The following PPP6R3 variants were observed in gnomAD, a reference collection of about 807,000 sequenced individuals.
PPP6R3 encodes serine/threonine-protein phosphatase 6 regulatory subunit 3.
Under a neutral mutation model 110.7 loss-of-function variants are expected in PPP6R3, and 38 were observed. The observed-to-expected ratio is 0.34, with a 90% CI of 0.26 to 0.45. The LOEUF is 0.45. PPP6R3 is among the 20% of genes least tolerant of loss of function. The probability of loss-of-function intolerance (pLI) is 1.00; values close to 1 mark genes in which losing one functional copy is unlikely to be tolerated. For synonymous variants in PPP6R3, 369 were observed against 373.5 expected, an observed-to-expected ratio of 0.99 and a Z score of 0.14; for missense variants, 870 against 1,062.4, an observed-to-expected ratio of 0.82 and a Z score of 2.52.
rs1566243505 is a variant in PPP6R3, at chr11:68,613,112, GTA to G, written c.2619_2620del (p.Ter874ThrfsTer8). ...AGGTGACACTTCAGTGAATGGCCCT[GTA>G]TGACGGGTGACGTCTGCTGCTGCTG... Reference protein sequence around the residue: ...APGDTSVNGPV With the variant: ...APGDTSVNGPX On this transcript the variant is annotated frameshift_variant, in exon 24 of 24. Coordinates refer to ENST00000393800, the MANE Select transcript of PPP6R3 (RefSeq NM_001164161.2). LOFTEE classifies it high-confidence loss of function. 1 of 1,614,110 alleles carries G rather than the reference GTA, an allele frequency of 6.2e-7. No individual in the cohort carries two copies. Among genetic ancestry groups the G allele is most frequent in the South Asian group, 1.1e-5 (1 of 91,074 alleles).
intron 1 of PPP6R3, among the ~76,000 whole-genome samples, chr11:68,482,632 C>T (rs2098922437): frequency 6.6e-6 from 1 of 151,900 alleles, no homozygotes; most frequent in Non-Finnish European, 1.5e-5. Flanking sequence ...TTTTATTCAA[C>T]TGACTTTGTT....
At chr11:68,532,489 G>A (rs77244511) in intron 2 of PPP6R3, among the ~76,000 whole-genome samples, 2,074 of 152,234 alleles carry the variant, frequency 0.014, 56 homozygotes, top group African/African-American at 0.047. Flanking sequence ...AAGATTAGAG[G>A]GTAGTTTGGC....
intron 7 of PPP6R3, 69 bp from the exon 8 acceptor site, chr11:68,558,497 C>T (rs1276141904): frequency 9.5e-6 from 9 of 942,518 alleles, no homozygotes; most frequent in East Asian, 2.4e-5. Context: ...CTTGTACCGT[C>T]GTCTTTTTTT....
At position 68,554,192 on chromosome 11, in the gene PPP6R3, C is replaced by T. The variant is rs1179438119; in HGVS notation, c.666C>T (p.Ser222=). The change falls in exon 7 of 24, where the codon AGC becomes AGT. Residue 222 remains serine, a synonymous_variant. Transcript: ENST00000393800. ...SQSLCEIVRL[S]RDQMLQIQNS... is the part of the protein sequence containing the mutation. ...CACTTTGTGAAATTGTTCGCCTGAG[C>T]AGAGACCAGATGTTACAAATTCAGA... 1 of 1,613,712 alleles carries T rather than the reference C, an allele frequency of 6.2e-7. No homozygotes were observed. Among genetic ancestry groups the T allele is most frequent in the Non-Finnish European group, 8.5e-7 (1 of 1,179,874 alleles).
Position 68,583,060 on chromosome 11 carries a change from T to C in PPP6R3, c.1563T>C (p.Ile521=). ...NTVDLVTTCH[I]HSSSDDEIDF... ...GCATATAGGTTACAACCTGCCATAT[T>C]CATTCATCCAGTGATGATGAAATTG... The change falls in exon 15 of 24, where the codon ATT becomes ATC. Residue 521 remains isoleucine, a synonymous_variant. Transcript: ENST00000393800. 6.5e-7 allele frequency: 1 copy of C among 1,540,586 alleles called. No homozygotes were observed. The highest frequency in any genetic ancestry group is 8.8e-7 in the Non-Finnish European group (1 of 1,139,854).
rs1319777256 is a variant in PPP6R3, at chr11:68,558,594, A to G, written c.760A>G (p.Asn254Asp). 6.2e-7 allele frequency: 1 copy of G among 1,613,280 alleles called. No individual in the cohort carries two copies. Among genetic ancestry groups the G allele is most frequent in the Non-Finnish European group, 8.5e-7 (1 of 1,179,542 alleles). The change falls in exon 8 of 24, where the codon AAT becomes GAT. Residue 254 changes from asparagine to aspartate, a missense_variant. Physicochemically the swap from Asn to Asp is conservative, Grantham distance 23 (BLOSUM62 1). Coordinates refer to ENST00000393800, the MANE Select transcript of PPP6R3 (RefSeq NM_001164161.2). ...AGAAATTATAGAGCAGCTTCTATCA[A>G]ATATTTTCCACAAGGAGAAAAATGA... ...KQEIIEQLLS[N>D]IFHKEKNESA...
rs371149487 is a variant in PPP6R3, at chr11:68,476,125, A to C, written c.-158+15298A>C. 5.3e-5 allele frequency among the ~76,000 whole-genome samples: 8 copies of C among 152,230 alleles called. No homozygotes were observed. In the East Asian group the frequency reaches 1.5e-3, roughly 29 times the overall value. On this transcript the variant is annotated intron_variant, in intron 1 of 23. Coordinates refer to ENST00000393800, the MANE Select transcript of PPP6R3 (RefSeq NM_001164161.2). ...GCCAAGGCAGGCGGCTGGGAGGTGG[A>C]GGTTGTAGCTAGCCGAGATCACGCC...
In PPP6R3 at chr11:68,554,155, A is replaced by G. The variant is rs2099390905; in HGVS notation, c.629A>G (p.Asn210Ser). The G allele has an allele frequency of 6.8e-6, 11 of 1,611,000 alleles. No individual in the cohort carries two copies. The highest frequency in any genetic ancestry group is 9.3e-6 in the Non-Finnish European group (11 of 1,178,530). Residue 210 changes from asparagine (N) to serine (S), a missense_variant, in exon 7 of 24, where the codon AAT becomes AGT. Physicochemically the swap from Asn to Ser is conservative, Grantham distance 46 (BLOSUM62 1). Transcript: ENST00000393800. ...ACTTTTTTCCTTTAGCGACATTCAAATGCATCACAATCACTTTGTGAAATT... is the reference window on the plus strand; with the variant it reads ...ACTTTTTTCCTTTAGCGACATTCAAGTGCATCACAATCACTTTGTGAAATT... The part of the protein sequence containing the change: ...HPSQEEDRHS[N>S]ASQSLCEIVR...
intron 7 of PPP6R3, among the ~76,000 whole-genome samples, chr11:68,555,097 C>G (rs2099394236): frequency 6.6e-6 from 1 of 152,172 alleles, no homozygotes; most frequent in Non-Finnish European, 1.5e-5. Flanking sequence ...TCAACCCTGT[C>G]TTTGCGAAGT....
intron 1 of PPP6R3, among the ~76,000 whole-genome samples, chr11:68,506,366 A>C (rs1481840451): frequency 7.6e-6 from 1 of 131,694 alleles, no homozygotes; most frequent in Non-Finnish European, 1.6e-5. Flanking sequence ...TCAGTCCCCA[A>C]GGTGTTGGGA....
At chr11:68,581,512 C>A (rs1245502145) in intron 14 of PPP6R3, among the ~76,000 whole-genome samples, 1 of 152,242 alleles carries the variant, frequency 6.6e-6, no homozygotes, top group Non-Finnish European at 1.5e-5. Context: ...TGTGCCCCAC[C>A]ATGGGGTTAC....
At chr11:68,469,643 T>G (rs561333383) in intron 1 of PPP6R3, among the ~76,000 whole-genome samples, 28 of 152,100 alleles carry the variant, frequency 1.8e-4, no homozygotes, top group Non-Finnish European at 5.9e-5. Flanking sequence ...TTTCCCAAAG[T>G]GCTGAGATAA....
Position 68,613,966 on chromosome 11 carries a change from T to C in PPP6R3, c.*849T>C. 5 of 985,400 alleles carry C rather than the reference T, an allele frequency of 5.1e-6. No homozygotes were observed. The highest frequency in any genetic ancestry group is 6.0e-6 in the Non-Finnish European group (5 of 829,772). The allele number at this position is 985,400 out of a possible 1,614,324, so 61.0% of individuals were successfully genotyped here. A position where few individuals can be genotyped will look rare whatever the true frequency, so the allele number is the denominator to read the frequency against. ...TGTTTCATTTGGTAGTTCATCTGCC[T>C]TTTAACCCATTCACCAAAATTTACC... On this transcript the variant is annotated 3_prime_UTR_variant, in exon 24 of 24. Coordinates refer to ENST00000393800, the MANE Select transcript of PPP6R3 (RefSeq NM_001164161.2).
At chr11:68,556,750 T>C (rs1313092179) in intron 7 of PPP6R3, among the ~76,000 whole-genome samples, 9 of 152,232 alleles carry the variant, frequency 5.9e-5, no homozygotes, top group Admixed American at 5.9e-4. Flanking sequence ...ATTCCTTTTA[T>C]TTTGTTTGAT....
intron 1 of PPP6R3, among the ~76,000 whole-genome samples, chr11:68,495,115 G>A (rs2099007843): frequency 6.6e-6 from 1 of 152,172 alleles, no homozygotes; most frequent in Non-Finnish European, 1.5e-5. Context: ...TGGCATTTGT[G>A]TGTTCTTCCC....
At chr11:68,597,654 G>T (rs900376085) in intron 19 of PPP6R3, among the ~76,000 whole-genome samples, 2 of 152,048 alleles carry the variant, frequency 1.3e-5, no homozygotes, top group African/African-American at 4.8e-5. Flanking sequence ...AATCTGTAGG[G>T]TTTGTTGTTG....
intron 1 of PPP6R3, chr11:68,488,491 G>A (rs73516875): frequency 0.038 from 5,744 of 152,116 alleles, 125 homozygotes; most frequent in Middle Eastern, 0.13. Context: ...TTTGATCTAC[G>A]TGTGTCTTTA....
intron 2 of PPP6R3, among the ~76,000 whole-genome samples, chr11:68,531,993 C>T (rs550428477): frequency 6.6e-6 from 1 of 152,340 alleles, no homozygotes; most frequent in African/African-American, 2.4e-5. Context: ...AATATGCTAG[C>T]ATTCGACTAG....
Position 68,613,192 on chromosome 11 carries a change from GCCCA to G in PPP6R3, c.*78_*81del, listed in dbSNP as rs578013020. 3.7e-3 allele frequency: 5,791 copies of G among 1,580,648 alleles called. 20 individuals carry two copies. The highest frequency in any genetic ancestry group is 4.5e-3 in the Non-Finnish European group (5,271 of 1,165,350). On this transcript the variant is annotated 3_prime_UTR_variant, in exon 24 of 24. Transcript: ENST00000393800. Reference sequence around the variant, plus strand: ...AGGGGCTCTGGAGGGGTCAGCTGGAGCCCACCAAGCTGTCACTGCTGCACTCACT... The same window carrying G: ...AGGGGCTCTGGAGGGGTCAGCTGGAGCCAAGCTGTCACTGCTGCACTCACT...
Sources: allele counts gnomAD v4.1 joint callset (sites outside exome capture counted in the v4.1 genomes callset), GRCh38; gene constraint gnomAD v4.1.1; transcripts MANE v1.5; gene names NCBI Gene and HGNC (gene_info 2026-07-23, HGNC 2026-07-21).